Variants in FRS2 observed in about 807,000 individuals in gnomAD.
FRS2 encodes the protein FGFR signalling adaptor.
Under a neutral mutation model 43.9 loss-of-function variants are expected in FRS2, and 8 were observed. The observed-to-expected ratio is 0.18, with a 90% confidence interval of 0.11 to 0.33. FRS2 has a LOEUF of 0.33. FRS2 is among the 10% of genes least tolerant of loss of function. The probability of loss-of-function intolerance (pLI) is 1.00; values close to 1 mark genes in which losing one functional copy is unlikely to be tolerated. For missense variants in FRS2, 534 were observed against 627.6 expected, an observed-to-expected ratio of 0.85 and a Z score of 1.59; for synonymous variants, 219 against 220.3, an observed-to-expected ratio of 0.99 and a Z score of 0.05.
intron 3 of FRS2, among the ~76,000 whole-genome samples, chr12:69,533,561 C>A (rs947695433): frequency 2.0e-5 from 3 of 152,182 alleles, no homozygotes; most frequent in Non-Finnish European, 4.4e-5. Context: ...GTTGGTCAGG[C>A]TGGTCTCGAA....
At chr12:69,563,302 A>C (rs1191062232) in intron 4 of FRS2, among the ~76,000 whole-genome samples, 1 of 152,126 alleles carries the variant, frequency 6.6e-6, no homozygotes, top group Non-Finnish European at 1.5e-5. Context: ...CTTCACATTA[A>C]AGAAGTTTCC....
At chr12:69,516,646 T>G (rs1175582215) in intron 1 of FRS2, among the ~76,000 whole-genome samples, 1 of 152,194 alleles carries the variant, frequency 6.6e-6, no homozygotes, top group Non-Finnish European at 1.5e-5. Context: ...TGTGTTCTGT[T>G]TAAATATTAA....
In FRS2 at chr12:69,518,399, C is replaced by G. The variant is rs570801718; in HGVS notation, c.-260-12466C>G. Among the ~76,000 whole-genome samples, 8 of 97,402 alleles carry G rather than the reference C, an allele frequency of 8.2e-5. No individual in the cohort carries two copies. The South Asian group carries it at 2.0e-3, about 25-fold the overall frequency. 63.9% of individuals were successfully genotyped at this position (97,402 alleles called of 152,430 possible). The stretch of plus-strand genomic sequence containing the variant: ...GTGTTTTCCTTCTGACAGATAAAGG[C>G]AGATTTTTTTTTTTTAATTGTAACT... On this transcript the variant is annotated intron_variant, in intron 1 of 8. Transcript: ENST00000549921.
chr12:69,556,017 G>A (rs1024062431), intron 3 of FRS2, among the ~76,000 whole-genome samples: 2 of 149,878 alleles, frequency 1.3e-5, no homozygotes, highest in African/African-American at 2.5e-5. Context: ...GCGGGGGGGG[G>A]GGCGGTGTAC....
intron 1 of FRS2, among the ~76,000 whole-genome samples, chr12:69,526,934 A>G (rs992625225): frequency 6.6e-6 from 1 of 152,150 alleles, no homozygotes; most frequent in Non-Finnish European, 1.5e-5. Flanking sequence ...CATGTTATCC[A>G]GGATGGTCTC....
intron 2 of FRS2, 133 bp downstream of exon 2, chr12:69,531,093 G>T (rs1428913297): frequency 6.6e-6 from 1 of 152,010 alleles, no homozygotes; most frequent in Non-Finnish European, 1.5e-5. Flanking sequence ...ACTTTGGGAG[G>T]CCGAGGCAAG....
At chr12:69,518,966 A>G (rs1025063971) in intron 1 of FRS2, among the ~76,000 whole-genome samples, 2 of 150,672 alleles carry the variant, frequency 1.3e-5, no homozygotes, top group African/African-American at 4.9e-5. Context: ...CTTGCACTCC[A>G]GCCTTGGCAA....
rs531403404 is a variant in FRS2 at position 69,485,462 on chromosome 12, G to A, written c.-261+14932G>A. ...CTTCCAAAGTGCTGGGATTACAGGCGTGAGCCACCGCGCCCAGCCTATTTA... is the reference window on the plus strand; with the variant it reads ...CTTCCAAAGTGCTGGGATTACAGGCATGAGCCACCGCGCCCAGCCTATTTA... On this transcript the variant is annotated intron_variant, in intron 1 of 8. Transcript: ENST00000549921. Among the ~76,000 whole-genome samples, 11 of 150,748 alleles carry A rather than the reference G, an allele frequency of 7.3e-5. No individual in the cohort carries two copies. The South Asian group carries it at 1.9e-3, about 26-fold the overall frequency.
chr12:69,537,809 C>T (rs1009272215), intron 3 of FRS2: 1 of 152,444 alleles, frequency 6.6e-6, no homozygotes, highest in Non-Finnish European at 1.5e-5. Flanking sequence ...CCTTCTATAA[C>T]TCTAATTAGA....
In FRS2 at chr12:69,527,818, T is replaced by C. The variant is rs576227760; in HGVS notation, c.-260-3047T>C. On this transcript the variant is annotated intron_variant, in intron 1 of 8. Coordinates refer to ENST00000549921, the MANE Select transcript of FRS2 (RefSeq NM_001278356.2). ...TTCTAAATGAGTGGGAGCATTTCGG[T>C]ACAAAAATATTCAAGGGTTCTCTCC... Among the ~76,000 whole-genome samples, 3 of 152,314 alleles carry C rather than the reference T, an allele frequency of 2.0e-5. No homozygotes were observed. The East Asian group carries it at 5.8e-4, about 29-fold the overall frequency.
chr12:69,522,883 A>G (rs1002708836), intron 1 of FRS2, among the ~76,000 whole-genome samples: 8 of 152,088 alleles, frequency 5.3e-5, no homozygotes, highest in African/African-American at 1.9e-4. Context: ...TTTCCATGTA[A>G]CTAAGGTTTT....
At chr12:69,519,674 C>T (rs1592978284) in intron 1 of FRS2, among the ~76,000 whole-genome samples, 1 of 152,076 alleles carries the variant, frequency 6.6e-6, no homozygotes, top group Non-Finnish European at 1.5e-5. Context: ...TTTTCTGTTC[C>T]TGTGTTAGTT....
At chr12:69,501,028 T>C (rs1249089378) in intron 1 of FRS2, among the ~76,000 whole-genome samples, 1 of 152,210 alleles carries the variant, frequency 6.6e-6, no homozygotes, top group Non-Finnish European at 1.5e-5. Context: ...TTTGTTGTTT[T>C]CTACATTATA....
chr12:69,512,998 A>G (rs1874608278), intron 1 of FRS2, among the ~76,000 whole-genome samples: 4 of 152,314 alleles, frequency 2.6e-5, no homozygotes, highest in Admixed American at 2.6e-4. Context: ...TCATTCAGCT[A>G]GGAATCAGAA....
rs567234657 is a variant in FRS2, at chr12:69,574,667, G to C, written c.1239G>C (p.Arg413=). The C allele has an allele frequency of 6.2e-6, 10 of 1,614,076 alleles. No homozygotes were observed. In the East Asian group the frequency reaches 1.3e-4, roughly 22 times the overall value. The part of the protein sequence containing the change: ...SAHKIEYSRR[R]DCTPTVFNFD... ...ACAAAATAGAATATTCAAGGCGTCG[G>C]GACTGTACACCAACAGTCTTTAACT... Residue 413 remains arginine, a synonymous_variant, in exon 9 of 9, where the codon CGG becomes CGC. Coordinates refer to ENST00000549921, the MANE Select transcript of FRS2 (RefSeq NM_001278356.2).
At chr12:69,542,251 C>A (rs1877981176) in intron 3 of FRS2, among the ~76,000 whole-genome samples, 1 of 152,112 alleles carries the variant, frequency 6.6e-6, no homozygotes, top group Admixed American at 6.6e-5. Context: ...ACAGGTTCAG[C>A]CTTATCAACT....
At chr12:69,490,669 A>G (rs780494528) in intron 1 of FRS2, among the ~76,000 whole-genome samples, 26 of 152,142 alleles carry the variant, frequency 1.7e-4, no homozygotes, top group Non-Finnish European at 3.7e-4. Context: ...TATTGTATTC[A>G]GTGTTATTTC....
rs188921583 is a variant in FRS2 at position 69,577,852 on chromosome 12, C to T, written c.*2897C>T. The T allele has an allele frequency of 5.9e-5, 9 of 152,676 alleles. No homozygotes were observed. The East Asian group carries it at 7.7e-4, about 13-fold the overall frequency. The allele number at this position is 152,676 out of a possible 1,614,324, so 9.5% of individuals were successfully genotyped here. ...ATTCAGCAAAAAGCTTTTCACTTCT[C>T]AGTATATCCAGAATACATCATATCT... is the stretch of plus-strand genomic sequence containing the variant. On this transcript the variant is annotated 3_prime_UTR_variant, in exon 9 of 9. Coordinates refer to ENST00000549921, the MANE Select transcript of FRS2 (RefSeq NM_001278356.2).
intron 3 of FRS2, among the ~76,000 whole-genome samples, chr12:69,546,847 A>G (rs1454943985): frequency 1.3e-5 from 2 of 152,210 alleles, no homozygotes; most frequent in Non-Finnish European, 2.9e-5. Flanking sequence ...AAACAGAATT[A>G]CCATATGATG....
Sources: gnomAD v4.1 joint callset for allele counts (sites outside exome capture counted in the v4.1 genomes callset) on GRCh38, gnomAD v4.1.1 for gene constraint, MANE v1.5 for transcripts, NCBI Gene and HGNC (gene_info 2026-07-23, HGNC 2026-07-21) for gene names.